The following DNAJA3 variants were observed in gnomAD, a reference collection of about 807,000 sequenced individuals.
The protein encoded by DNAJA3 is DnaJ heat shock protein family (Hsp40) member A3.
In DNAJA3, 29 loss-of-function variants were observed where a neutral mutation model predicts 54.9. The observed-to-expected ratio is 0.53, with a 90% confidence interval of 0.39 to 0.72. The LOEUF is 0.72. Among genes scored for constraint, DNAJA3 ranks in the 30% least tolerant of loss-of-function variants. The pLI is 0.00. For synonymous variants in DNAJA3, 302 were observed against 251.4 expected, an observed-to-expected ratio of 1.20 and a Z score of -1.90; for missense variants, 708 against 639.4, an observed-to-expected ratio of 1.11 and a Z score of -1.16.
At chr16:4,437,335 G>A (rs2056783562) in intron 2 of DNAJA3, 67 bp from the exon 3 acceptor site, 2 of 1,338,088 alleles carry the variant, frequency 1.5e-6, no homozygotes, top group Admixed American at 1.8e-5. Flanking sequence ...TGTATCGGGG[G>A]TTTTGTTGTT....
intron 5 of DNAJA3, chr16:4,442,794 G>A (rs1421293828): frequency 2.7e-5 from 16 of 588,232 alleles, no homozygotes; most frequent in Middle Eastern, 4.0e-4. Context: ...TTTCAGTGTC[G>A]TGTGGTCAAG....
Position 4,428,381 on chromosome 16 carries a change from C to T in DNAJA3, c.211+2289C>T, listed in dbSNP as rs915044114. Among the ~76,000 whole-genome samples the T allele has an allele frequency of 2.6e-5, 4 of 152,118 alleles. No homozygotes were observed. In the East Asian group the frequency reaches 7.7e-4, roughly 29 times the overall value. On this transcript the variant is annotated intron_variant, in intron 1 of 11. Coordinates refer to ENST00000262375, the MANE Select transcript of DNAJA3 (RefSeq NM_005147.6). ...TGCCACCATGCCAGGCTAGATTTTT[C>T]AACATGAGCAAAAGTGGCCATTTTT...
intron 10 of DNAJA3, among the ~76,000 whole-genome samples, chr16:4,453,564 A>C (rs2057001352): frequency 6.6e-6 from 1 of 151,882 alleles, no homozygotes; most frequent in Admixed American, 6.6e-5. Context: ...CAGCCTCCCG[A>C]GTAGCTGGGA....
At chr16:4,436,132 G>A (rs755625359) in intron 2 of DNAJA3, among the ~76,000 whole-genome samples, 16 of 152,100 alleles carry the variant, frequency 1.1e-4, no homozygotes, top group Non-Finnish European at 1.9e-4. Context: ...GGAGAAACGT[G>A]TGTTTGGATC....
chr16:4,428,104 ACCAC>A (rs201369552), intron 1 of DNAJA3, among the ~76,000 whole-genome samples: 92,347 of 151,730 alleles, frequency 0.61, 29,411 homozygotes, highest in Non-Finnish European at 0.71. Flanking sequence ...GGCGCCCGCC[ACCAC>A]GCCCAGCTAA....
chr16:4,429,144 C>T (rs963828977), intron 1 of DNAJA3, among the ~76,000 whole-genome samples: 1 of 151,996 alleles, frequency 6.6e-6, no homozygotes, highest in African/African-American at 2.4e-5. Context: ...GCCTCCGCCT[C>T]CCAAAGTGCT....
At chr16:4,447,110 G>GCCCCCCCACATGCTGGTC in intron 8 of DNAJA3, 96 bp downstream of exon 8, 1 of 1,458,546 alleles carries the variant, frequency 6.9e-7, no homozygotes, top group Non-Finnish European at 9.3e-7. Context: ...ACCCATGAGT[G>GCCCCCCCACATGCTGGTC]ACCAGCATGT....
At chr16:4,442,773 G>A (rs768144877) in intron 5 of DNAJA3, 6 of 575,246 alleles carry the variant, frequency 1.0e-5, no homozygotes, top group Non-Finnish European at 1.5e-5. Context: ...GTAGACAGGC[G>A]GTATCATATT....
chr16:4,446,005 T>A (rs2056897647), intron 7 of DNAJA3, among the ~76,000 whole-genome samples: 1 of 149,680 alleles, frequency 6.7e-6, no homozygotes, highest in Admixed American at 6.7e-5. Flanking sequence ...CACTGCAACC[T>A]CCACCTCCCA....
chr16:4,454,711 C>T (rs914995918), intron 10 of DNAJA3, 100 bp from the exon 11 acceptor site: 5 of 802,824 alleles, frequency 6.2e-6, no homozygotes, highest in South Asian at 1.6e-5. Context: ...GCTTCTTGAA[C>T]GTGGGCCCCT....
At chr16:4,429,740 A>G (rs1173583647) in intron 1 of DNAJA3, among the ~76,000 whole-genome samples, 1 of 152,090 alleles carries the variant, frequency 6.6e-6, no homozygotes, top group African/African-American at 2.4e-5. Flanking sequence ...AGGCTGGGGC[A>G]GGAGAATTGC....
At chr16:4,431,598 G>A (rs1294900388) in intron 1 of DNAJA3, 1 of 149,790 alleles carries the variant, frequency 6.7e-6, no homozygotes, top group Non-Finnish European at 1.5e-5. Context: ...TTTTTTTTCA[G>A]GTGGAGTCTT....
At chr16:4,429,498 G>A (rs1357514457) in intron 1 of DNAJA3, among the ~76,000 whole-genome samples, 1 of 152,110 alleles carries the variant, frequency 6.6e-6, no homozygotes, top group African/African-American at 2.4e-5. Context: ...TGGGATTACA[G>A]GTGTGAGTCA....
chr16:4,455,543 C>A lies in DNAJA3; in HGVS notation c.*14-3C>A, dbSNP rs1426251120. Reference sequence around the variant, plus strand: ...AAGGTAACAGCCTATCTCTTTGGCTCAGGAAAAAGATCCACTGGAAACTAG... The same window carrying A: ...AAGGTAACAGCCTATCTCTTTGGCTAAGGAAAAAGATCCACTGGAAACTAG... On this transcript the variant is annotated splice_polypyrimidine_tract_variant and splice_region_variant and intron_variant, in intron 11 of 11. Transcript: ENST00000262375. 6.4e-7 allele frequency: 1 copy of A among 1,551,788 alleles called. No homozygotes were observed. Among genetic ancestry groups the A allele is most frequent in the Non-Finnish European group, 8.7e-7 (1 of 1,147,012 alleles).
chr16:4,453,202 G>A (rs534413745), intron 10 of DNAJA3, among the ~76,000 whole-genome samples: 51 of 152,056 alleles, frequency 3.4e-4, no homozygotes, highest in Non-Finnish European at 5.9e-4. Flanking sequence ...TTACAGACAT[G>A]AGCCACTGTG....
intron 9 of DNAJA3, chr16:4,450,166 G>A: frequency 2.1e-6 from 1 of 471,218 alleles, no homozygotes; most frequent in South Asian, 4.2e-5. Flanking sequence ...ATTTAGCATA[G>A]CCACAGTGAC....
Position 4,444,652 on chromosome 16 carries a change from T to C in DNAJA3, c.932-12T>C, listed in dbSNP as rs2056881141. 6.2e-7 allele frequency: 1 copy of C among 1,613,744 alleles called. No homozygotes were observed. Among genetic ancestry groups the C allele is most frequent in the Non-Finnish European group, 8.5e-7 (1 of 1,179,672 alleles). On this transcript the variant is annotated splice_polypyrimidine_tract_variant and intron_variant, in intron 6 of 11. Coordinates refer to ENST00000262375, the MANE Select transcript of DNAJA3 (RefSeq NM_005147.6). ...TCCTGCCTAACTTCTCCCTTTCTAA[T>C]GTCCCTTGTAGGAGTCGAGGATGGC...
chr16:4,431,561 C>T (rs1014869766), intron 1 of DNAJA3: 1 of 152,124 alleles, frequency 6.6e-6, no homozygotes, highest in Non-Finnish European at 1.5e-5. Flanking sequence ...AGTAGTCTCC[C>T]AGGCTTCCTA....
rs769686929 is a variant in DNAJA3, at chr16:4,426,051, C to T, written c.170C>T (p.Pro57Leu). ...GCGTCTTCCCTGACCTCTTGCGGCC[C>T]CCGAGCGCTGCTGACATTGAGACCT... ...AFASSLTSCG[P>L]RALLTLRPGV... The change falls in exon 1 of 12, where the codon CCC becomes CTC. Residue 57 changes from proline (P) to leucine (L), a missense_variant. Pro to Leu is a moderately conservative substitution (Grantham distance 98). Coordinates refer to ENST00000262375, the MANE Select transcript of DNAJA3 (RefSeq NM_005147.6). 61 of 1,603,728 alleles carry T rather than the reference C, an allele frequency of 3.8e-5. No homozygotes were observed. Among genetic ancestry groups the T allele is most frequent in the Non-Finnish European group, 4.8e-5 (57 of 1,175,856 alleles).
Sources: allele counts gnomAD v4.1 joint callset (sites outside exome capture counted in the v4.1 genomes callset), GRCh38; gene constraint gnomAD v4.1.1; transcripts MANE v1.5; gene names NCBI Gene and HGNC (gene_info 2026-07-23, HGNC 2026-07-21).